The following OR4N2 variants were observed in gnomAD, a reference collection of about 807,000 sequenced individuals.
OR4N2 encodes olfactory receptor family 4 subfamily N member 2, also known as olfactory receptor 4N2.
For synonymous variants in OR4N2, 141 were observed against 140.4 expected, an observed-to-expected ratio of 1.00 and a Z score of -0.03; for missense variants, 307 against 377.6, an observed-to-expected ratio of 0.81 and a Z score of 1.55.
At chr14:19,812,527 T>TG (rs1879327344) in intron 1 of OR4N2, among the ~76,000 whole-genome samples, 3 of 152,216 alleles carry the variant, frequency 2.0e-5, no homozygotes, top group African/African-American at 7.2e-5. Flanking sequence ...TTTGTTTGTT[T>TG]TTTGTATTTT....
At position 19,806,308 on chromosome 14, in the gene OR4N2, TG is replaced by T. The variant is rs1241428769; in HGVS notation, c.-10+2465del. Among the ~76,000 whole-genome samples, 741 of 151,470 alleles carry T rather than the reference TG, an allele frequency of 4.9e-3. 4 individuals are homozygous for T. The highest frequency in any genetic ancestry group is 8.6e-3 in the Non-Finnish European group (578 of 67,324). The stretch of plus-strand genomic sequence containing the variant: ...GTTGGATAAAAAGGCAAGACACCAC[TG>T]TCTGTTGTCTTGAAGAGACCAATCT... On this transcript the variant is annotated intron_variant, in intron 1 of 1. Coordinates refer to ENST00000557677, the MANE Select transcript of OR4N2 (RefSeq NM_001004723.3).
At chr14:19,808,436 T>G (rs1879218763) in intron 1 of OR4N2, among the ~76,000 whole-genome samples, 1 of 152,184 alleles carries the variant, frequency 6.6e-6, no homozygotes, top group Non-Finnish European at 1.5e-5. Context: ...CATACATCAA[T>G]AATGTCCAGG....
chr14:19,822,058 A>G (rs1187687200), intron 1 of OR4N2: 1 of 152,280 alleles, frequency 6.6e-6, no homozygotes, highest in Non-Finnish European at 1.5e-5. Context: ...CAACTATTTT[A>G]CTTGTTCACC....
intron 1 of OR4N2, among the ~76,000 whole-genome samples, chr14:19,806,083 A>G (rs1378534664): frequency 6.6e-6 from 1 of 152,178 alleles, no homozygotes; most frequent in Non-Finnish European, 1.5e-5. Flanking sequence ...GGAGTGCTAA[A>G]CATGTGAACA....
At chr14:19,809,836 T>C (rs565236705) in intron 1 of OR4N2, among the ~76,000 whole-genome samples, 1 of 152,356 alleles carries the variant, frequency 6.6e-6, no homozygotes, top group South Asian at 2.1e-4. Context: ...TTATACCATA[T>C]ACAAAAATCA....
intron 1 of OR4N2, among the ~76,000 whole-genome samples, chr14:19,805,904 A>T (rs1879153248): frequency 1.3e-5 from 2 of 152,176 alleles, no homozygotes; most frequent in South Asian, 4.1e-4. Context: ...AGCCAGAAAA[A>T]ATTGGGGGCC....
In OR4N2 at chr14:19,828,303, C is replaced by T. The variant is rs1303373063; in HGVS notation, c.855C>T (p.Val285=). The T allele has an allele frequency of 1.2e-6, 2 of 1,613,848 alleles. No homozygotes were observed. The highest frequency in any genetic ancestry group is 1.7e-5 in the Admixed American group (1 of 60,006). The change falls in exon 2 of 2, where the codon GTC becomes GTT. Residue 285 remains valine (V), a synonymous_variant. Transcript: ENST00000557677. ...TGATTTTTCCTTTGTTGAATCCTGT[C>T]ATTTATACCCTTCGCAACCAGGAAG... ...HTVIFPLLNP[V]IYTLRNQEVK...
chr14:19,827,536 C>T lies in OR4N2; in HGVS notation c.88C>T (p.Leu30=). The T allele has an allele frequency of 6.2e-7, 1 of 1,614,104 alleles. No homozygotes were observed. Among genetic ancestry groups the T allele is most frequent in the South Asian group, 1.1e-5 (1 of 91,066 alleles). Residue 30 remains leucine, a synonymous_variant, in exon 2 of 2, where the codon CTA becomes TTA. Transcript: ENST00000557677. ...SQDIQLLVFV[L]VLIFYFIILP... is the part of the protein sequence containing the mutation. ...AGATATTCAGCTCCTGGTCTTTGTGCTAGTTTTAATATTCTACTTCATCAT... is the reference window on the plus strand; with the variant it reads ...AGATATTCAGCTCCTGGTCTTTGTGTTAGTTTTAATATTCTACTTCATCAT...
intron 1 of OR4N2, among the ~76,000 whole-genome samples, chr14:19,808,876 A>G (rs1347564912): frequency 1.3e-5 from 2 of 152,342 alleles, no homozygotes; most frequent in East Asian, 3.9e-4. Flanking sequence ...TTCAAACTAT[A>G]AGGCCACTGT....
intron 1 of OR4N2, among the ~76,000 whole-genome samples, chr14:19,807,331 T>G (rs1368054332): frequency 6.6e-6 from 1 of 151,984 alleles, no homozygotes; most frequent in African/African-American, 2.4e-5. Context: ...AACTGGTAGA[T>G]TGCTAGCTAG....
At chr14:19,812,087 T>C (rs1879309721) in intron 1 of OR4N2, among the ~76,000 whole-genome samples, 1 of 152,214 alleles carries the variant, frequency 6.6e-6, no homozygotes, top group African/African-American at 2.4e-5. Flanking sequence ...GGTTGCAGGA[T>C]ACAAGATCAA....
At chr14:19,815,816 G>T (rs576886862) in intron 1 of OR4N2, among the ~76,000 whole-genome samples, 45 of 152,218 alleles carry the variant, frequency 3.0e-4, no homozygotes, top group Non-Finnish European at 5.0e-4. Context: ...TTCTTTTAGG[G>T]TTTTTATGGT....
At chr14:19,811,466 T>TCAATCTC (rs2138464999) in intron 1 of OR4N2, among the ~76,000 whole-genome samples, 1 of 152,352 alleles carries the variant, frequency 6.6e-6, no homozygotes, top group African/African-American at 2.4e-5. Flanking sequence ...CAGGATGGTC[T>TCAATCTC]CAATCTCCTG....
intron 1 of OR4N2, among the ~76,000 whole-genome samples, chr14:19,821,156 T>C (rs1305854564): frequency 6.6e-6 from 1 of 152,254 alleles, no homozygotes; most frequent in Non-Finnish European, 1.5e-5. Flanking sequence ...CGGCACAGTC[T>C]CTCACGGCTT....
At chr14:19,815,632 A>G (rs1416535838) in intron 1 of OR4N2, among the ~76,000 whole-genome samples, 1 of 144,224 alleles carries the variant, frequency 6.9e-6, no homozygotes, top group Non-Finnish European at 1.5e-5. Flanking sequence ...TTGACTGTCC[A>G]CTCTGATGAG....
chr14:19,821,399 C>T (rs111242534), intron 1 of OR4N2, among the ~76,000 whole-genome samples: 17,119 of 149,196 alleles, frequency 0.11, 589 homozygotes, highest in South Asian at 0.24. Context: ...TGCCAGCCAC[C>T]GTCTAAAGTT....
intron 1 of OR4N2, among the ~76,000 whole-genome samples, chr14:19,809,051 A>G (rs1427797041): frequency 6.6e-6 from 1 of 152,234 alleles, no homozygotes. Context: ...CTACTGAGGA[A>G]AGTTGTGGGC....
intron 1 of OR4N2, among the ~76,000 whole-genome samples, chr14:19,809,529 A>T (rs1412362298): frequency 6.6e-6 from 1 of 152,156 alleles, no homozygotes; most frequent in Admixed American, 6.5e-5. Context: ...ATCCACTTAA[A>T]AATGGGCAAA....
chr14:19,827,323 G>T, intron 1 of OR4N2, 117 bp from the exon 2 acceptor site: 2 of 871,842 alleles, frequency 2.3e-6, no homozygotes, highest in Non-Finnish European at 1.8e-6. Flanking sequence ...GAGAGGGATG[G>T]GAAATGTTGT....
Sources: gnomAD v4.1 joint callset for allele counts (sites outside exome capture counted in the v4.1 genomes callset) on GRCh38, gnomAD v4.1.1 for gene constraint, MANE v1.5 for transcripts, NCBI Gene and HGNC (gene_info 2026-07-23, HGNC 2026-07-21) for gene names.